THSD4: variants seen among roughly 807,000 people sequenced by gnomAD.
THSD4 encodes the protein thrombospondin type-1 domain-containing protein 4.
In THSD4, 69 loss-of-function variants were observed where a neutral mutation model predicts 119.0. The ratio of observed to expected loss-of-function variants is 0.58; its 90% confidence interval spans 0.48 to 0.71. The LOEUF (loss-of-function observed/expected upper bound fraction) is 0.71. Among genes scored for constraint, THSD4 ranks in the 30% least tolerant of loss-of-function variants. The probability of loss-of-function intolerance (pLI) is 0.00; values close to 1 mark genes in which losing one functional copy is unlikely to be tolerated. For synonymous variants in THSD4, 524 were observed against 540.4 expected (o/e 0.97, Z 0.42); for missense variants, 1,393 against 1,391.1 (o/e 1.00, Z -0.02).
intron 7 of THSD4, among the ~76,000 whole-genome samples, chr15:71,572,401 C>T (rs961572379): frequency 5.9e-5 from 9 of 152,188 alleles, no homozygotes; most frequent in Admixed American, 2.6e-4. Context: ...TTCAAACTCA[C>T]CTGTAGTAGT....
intron 8 of THSD4, among the ~76,000 whole-genome samples, chr15:71,701,331 C>T (rs1048807463): frequency 2.6e-5 from 4 of 152,132 alleles, no homozygotes; most frequent in African/African-American, 4.8e-5. Context: ...TTTTACCTGG[C>T]AGATTACAGA....
chr15:71,170,231 C>T (rs1008906708), intron 3 of THSD4, among the ~76,000 whole-genome samples: 25 of 152,096 alleles, frequency 1.6e-4, no homozygotes, highest in African/African-American at 5.8e-4. Context: ...GAGGAGAGAA[C>T]TACACAGACA....
intron 1 of THSD4, among the ~76,000 whole-genome samples, chr15:71,134,597 T>C (rs1295572166): frequency 2.6e-5 from 4 of 152,240 alleles, no homozygotes; most frequent in African/African-American, 9.6e-5. Flanking sequence ...CCAACTGTGA[T>C]TGCATGCCCG....
intron 7 of THSD4, among the ~76,000 whole-genome samples, chr15:71,509,592 A>G (rs1164463353): frequency 6.6e-6 from 1 of 152,226 alleles, no homozygotes; most frequent in Non-Finnish European, 1.5e-5. Flanking sequence ...AATTTTACAC[A>G]GCTAGTGGCA....
At chr15:71,423,633 C>T (rs1379387079) in intron 7 of THSD4, among the ~76,000 whole-genome samples, 6 of 152,190 alleles carry the variant, frequency 3.9e-5, no homozygotes, top group Non-Finnish European at 1.5e-5. Flanking sequence ...AGCTGCACTG[C>T]CTGGGGTTGG....
At chr15:71,387,835 G>A (rs2046314953) in intron 6 of THSD4, among the ~76,000 whole-genome samples, 1 of 152,160 alleles carries the variant, frequency 6.6e-6, no homozygotes, top group South Asian at 2.1e-4. Context: ...TTTTTTCTCA[G>A]CCCAGAACCC....
intron 7 of THSD4, among the ~76,000 whole-genome samples, chr15:71,435,265 C>T (rs1193824954): frequency 6.6e-6 from 1 of 152,146 alleles, no homozygotes; most frequent in African/African-American, 2.4e-5. Flanking sequence ...GAATCCTAGT[C>T]ACTAAACTAC....
At chr15:71,566,117 C>T (rs1460089115) in intron 7 of THSD4, among the ~76,000 whole-genome samples, 3 of 150,636 alleles carry the variant, frequency 2.0e-5, no homozygotes, top group Non-Finnish European at 4.4e-5. Flanking sequence ...ATGACTAAAC[C>T]ATTTCTTTTC....
rs756067093 is a variant in THSD4 at position 71,771,069 on chromosome 15, C to T, written c.2775C>T (p.Ser925=). ...TTCCCTTTGTTCCCATGCAGTGTTCCAAGAGCTGCCAGGGTGGCTTTCGGG... is the reference window on the plus strand; with the variant it reads ...TTCCCTTTGTTCCCATGCAGTGTTCTAAGAGCTGCCAGGGTGGCTTTCGGG... ...KWFSTEWSMC[S]KSCQGGFRVR... Residue 925 remains serine, a synonymous_variant, in exon 17 of 18, where the codon TCC becomes TCT. Transcript: ENST00000261862. 5 of 1,613,958 alleles carry T rather than the reference C, an allele frequency of 3.1e-6. No individual in the cohort carries two copies. In the South Asian group the frequency reaches 4.4e-5, roughly 14 times the overall value.
chr15:71,257,332 T>A (rs1019630445), intron 6 of THSD4, among the ~76,000 whole-genome samples: 2 of 152,106 alleles, frequency 1.3e-5, no homozygotes, highest in African/African-American at 4.8e-5. Context: ...ACTGAGAAGT[T>A]TTAACATTCT....
At chr15:71,119,366 G>A (rs747008282) in intron 1 of THSD4, among the ~76,000 whole-genome samples, 2 of 152,168 alleles carry the variant, frequency 1.3e-5, no homozygotes, top group Non-Finnish European at 2.9e-5. Context: ...CGATTCTTCC[G>A]CACACCCAGG....
At chr15:71,252,926 C>T (rs1407827875) in intron 5 of THSD4, among the ~76,000 whole-genome samples, 1 of 152,184 alleles carries the variant, frequency 6.6e-6, no homozygotes, top group African/African-American at 2.4e-5. Flanking sequence ...CTTGCCTGTA[C>T]CACAATGCTG....
chr15:71,498,789 G>A (rs886344717), intron 7 of THSD4, among the ~76,000 whole-genome samples: 2 of 151,748 alleles, frequency 1.3e-5, no homozygotes, highest in African/African-American at 4.8e-5. Flanking sequence ...TCACCCTCCT[G>A]GGCTCAAACA....
At chr15:71,222,270 C>T (rs1188165978) in intron 4 of THSD4, among the ~76,000 whole-genome samples, 3 of 152,118 alleles carry the variant, frequency 2.0e-5, no homozygotes, top group South Asian at 2.1e-4. Context: ...AGAGCAGTGC[C>T]CTCTCTTATT....
intron 7 of THSD4, among the ~76,000 whole-genome samples, chr15:71,534,954 G>A (rs572590990): frequency 3.0e-4 from 45 of 152,084 alleles, no homozygotes; most frequent in Middle Eastern, 3.4e-3. Context: ...GCGAGACTCC[G>A]TCTCAAAAAA....
At chr15:71,543,007 G>A (rs1388485864) in intron 7 of THSD4, among the ~76,000 whole-genome samples, 13 of 152,058 alleles carry the variant, frequency 8.5e-5, no homozygotes. Flanking sequence ...GACCAGGAGA[G>A]ACCACAGAAA....
rs114182713 is a variant in THSD4 at position 71,544,861 on chromosome 15, G to A, written c.1153-115669G>A. On this transcript the variant is annotated intron_variant, in intron 7 of 17. Transcript: ENST00000261862. ...GAAGTTTTGATACCTGTTACAGAGT[G>A]GATGAACCTTGGGAACATGCTCTGT... Among the ~76,000 whole-genome samples the A allele has an allele frequency of 8.7e-3, 1,329 of 152,294 alleles. 18 individuals are homozygous for A. Among genetic ancestry groups the A allele is most frequent in the African/African-American group, 0.031 (1,283 of 41,552 alleles).
At chr15:71,423,758 T>C (rs1408598593) in intron 7 of THSD4, among the ~76,000 whole-genome samples, 3 of 152,192 alleles carry the variant, frequency 2.0e-5, no homozygotes, top group African/African-American at 7.2e-5. Flanking sequence ...TTCCCAGCGA[T>C]TACACGGCTT....
At chr15:71,272,585 G>A (rs895387034) in intron 6 of THSD4, among the ~76,000 whole-genome samples, 4 of 151,974 alleles carry the variant, frequency 2.6e-5, no homozygotes, top group African/African-American at 9.7e-5. Flanking sequence ...CTGTTAGAAT[G>A]GCCATTAGAA....
Sources: allele counts gnomAD v4.1 joint callset (sites outside exome capture counted in the v4.1 genomes callset), GRCh38; gene constraint gnomAD v4.1.1; transcripts MANE v1.5; gene names NCBI Gene and HGNC (gene_info 2026-07-23, HGNC 2026-07-21).